PRKN: variants seen among roughly 807,000 people sequenced by gnomAD.
PRKN encodes the protein parkin RBR E3 ubiquitin protein ligase.
PRKN carries 56 observed loss-of-function variants against 59.5 expected under a neutral mutation model. The observed-to-expected ratio is 0.94, with a 90% CI of 0.76 to 1.18. The LOEUF (loss-of-function observed/expected upper bound fraction) is 1.18, where lower values mean the gene tolerates loss of function less well. PRKN is among the 50% of genes most tolerant of loss of function. The pLI, the probability that PRKN is intolerant of heterozygous loss-of-function variation, is 0.00. For synonymous variants in PRKN, 250 were observed against 222.1 expected (o/e 1.13, Z -1.12); for missense variants, 657 against 596.4 (o/e 1.10, Z -1.06).
intron 1 of PRKN, among the ~76,000 whole-genome samples, chr6:162,509,184 T>C (rs949696402): frequency 4.6e-5 from 7 of 152,222 alleles, no homozygotes; most frequent in African/African-American, 1.7e-4. Flanking sequence ...TCTACAAACA[T>C]ATCCATTAAA....
intron 4 of PRKN, among the ~76,000 whole-genome samples, chr6:162,189,691 T>C (rs1446735331): frequency 6.6e-6 from 1 of 151,928 alleles, no homozygotes; most frequent in Non-Finnish European, 1.5e-5. Flanking sequence ...ACTCCATTTA[T>C]TTCATGAACT....
chr6:162,374,469 T>A (rs1397975820), intron 2 of PRKN, among the ~76,000 whole-genome samples: 2 of 151,902 alleles, frequency 1.3e-5, no homozygotes, highest in African/African-American at 2.4e-5. Flanking sequence ...GTCTGGTCGG[T>A]TGGAGCCTAG....
chr6:162,163,666 C>G lies in PRKN; in HGVS notation c.534+37465G>C, dbSNP rs1475889392. On this transcript the variant is annotated intron_variant, in intron 4 of 11. Transcript: ENST00000366898. Reference sequence around the variant, plus strand: ...TCTAGAAAAGGATCACAACACATTGCACTGCCCTGAGCAGTCCCATAAAGC... The same window carrying G: ...TCTAGAAAAGGATCACAACACATTGGACTGCCCTGAGCAGTCCCATAAAGC... Among the ~76,000 whole-genome samples the G allele has an allele frequency of 3.4e-5, 5 of 149,174 alleles. 1 individual carries two copies. Among genetic ancestry groups the G allele is most frequent in the African/African-American group, 5.0e-5 (2 of 39,644 alleles).
chr6:161,824,816 C>G lies in PRKN; in HGVS notation c.735-38908G>C, dbSNP rs533721461. On this transcript the variant is annotated intron_variant, in intron 6 of 11. Transcript: ENST00000366898. Reference sequence around the variant, plus strand: ...TGTTTTCCTGATTTGACATGATATACTAACATTGACTAAGATAACATTCAT... The same window carrying G: ...TGTTTTCCTGATTTGACATGATATAGTAACATTGACTAAGATAACATTCAT... Among the ~76,000 whole-genome samples, 5 of 152,278 alleles carry G rather than the reference C, an allele frequency of 3.3e-5. No individual in the cohort carries two copies. In the South Asian group the frequency reaches 1.0e-3, roughly 32 times the overall value.
Position 161,918,271 on chromosome 6 carries a change from C to T in PRKN, c.734+55031G>A, listed in dbSNP as rs112330910. Reference sequence around the variant, plus strand: ...CATCGTCATTGCTTCAATTTGCTGACGAAAGCCCTCTAGAACCCAGGAAGA... The same window carrying T: ...CATCGTCATTGCTTCAATTTGCTGATGAAAGCCCTCTAGAACCCAGGAAGA... On this transcript the variant is annotated intron_variant, in intron 6 of 11. Coordinates refer to ENST00000366898, the MANE Select transcript of PRKN (RefSeq NM_004562.3). Among the ~76,000 whole-genome samples the T allele has an allele frequency of 3.1e-3, 474 of 152,266 alleles. 3 individuals are homozygous for T. Among genetic ancestry groups the T allele is most frequent in the African/African-American group, 0.011 (450 of 41,554 alleles).
At chr6:161,755,402 T>C (rs1294077964) in intron 7 of PRKN, among the ~76,000 whole-genome samples, 4 of 152,072 alleles carry the variant, frequency 2.6e-5, no homozygotes, top group African/African-American at 7.2e-5. Context: ...TCTGAAATTG[T>C]CATGTTGGAA....
intron 5 of PRKN, among the ~76,000 whole-genome samples, chr6:162,012,642 T>G (rs1782777832): frequency 6.6e-6 from 1 of 152,140 alleles, no homozygotes. Context: ...AATCTGATCC[T>G]TACTTGTAAA....
intron 9 of PRKN, among the ~76,000 whole-genome samples, chr6:161,425,844 A>G (rs978071891): frequency 1.3e-5 from 2 of 152,102 alleles, no homozygotes; most frequent in African/African-American, 4.8e-5. Context: ...CCCCATATTC[A>G]CACGGTGCCC....
At chr6:161,787,746 A>G (rs1044565670) in intron 6 of PRKN, among the ~76,000 whole-genome samples, 1 of 151,846 alleles carries the variant, frequency 6.6e-6, no homozygotes, top group Non-Finnish European at 1.5e-5. Context: ...GGAGATGGAG[A>G]TCATCCTGGC....
intron 7 of PRKN, among the ~76,000 whole-genome samples, chr6:161,638,298 A>G (rs1376871244): frequency 2.0e-5 from 3 of 151,360 alleles, no homozygotes; most frequent in African/African-American, 4.9e-5. Flanking sequence ...ATGCCAGGCT[A>G]AATTTTTTTG....
At chr6:162,096,087 A>G (rs1029284061) in intron 4 of PRKN, among the ~76,000 whole-genome samples, 1 of 152,168 alleles carries the variant, frequency 6.6e-6, no homozygotes, top group Non-Finnish European at 1.5e-5. Context: ...AGTTAGCAAG[A>G]TGGTAGGTAT....
intron 1 of PRKN, among the ~76,000 whole-genome samples, chr6:162,515,909 T>C (rs1777833458): frequency 6.6e-6 from 1 of 152,112 alleles, no homozygotes; most frequent in Non-Finnish European, 1.5e-5. Context: ...CATGTGACTG[T>C]CAAAAAGGGT....
At chr6:161,990,715 A>T (rs1322847810) in intron 5 of PRKN, among the ~76,000 whole-genome samples, 11 of 152,242 alleles carry the variant, frequency 7.2e-5, no homozygotes, top group South Asian at 2.1e-4. Context: ...AAAAAATTTT[A>T]AAAAATTATT....
At chr6:161,723,780 G>A (rs189265850) in intron 7 of PRKN, among the ~76,000 whole-genome samples, 238 of 152,270 alleles carry the variant, frequency 1.6e-3, no homozygotes, top group South Asian at 5.4e-3. Flanking sequence ...GAGAATCCAC[G>A]CAGGCTGCCT....
At chr6:162,106,525 T>C (rs143331950) in intron 4 of PRKN, among the ~76,000 whole-genome samples, 8 of 152,210 alleles carry the variant, frequency 5.3e-5, no homozygotes, top group African/African-American at 1.7e-4. Context: ...TTCATTAATA[T>C]CTATTTTTAA....
chr6:161,408,297 A>G (rs1449566925), intron 9 of PRKN, among the ~76,000 whole-genome samples: 1 of 149,846 alleles, frequency 6.7e-6, no homozygotes, highest in East Asian at 2.0e-4. Flanking sequence ...TGTGACACAC[A>G]ATTAAGGGTG....
At position 161,578,215 on chromosome 6, in the gene PRKN, G is replaced by A. The variant is rs1472389446; in HGVS notation, c.872-8799C>T. Among the ~76,000 whole-genome samples, 1 of 152,208 alleles carries A rather than the reference G, an allele frequency of 6.6e-6. No homozygotes were observed. The highest frequency in any genetic ancestry group is 1.5e-5 in the Non-Finnish European group (1 of 68,016). The stretch of plus-strand genomic sequence containing the variant: ...GTTTGAGGAATCCAAGCAGCTGCTT[G>A]GCTGCAGATGAGAATTGAAAGCACC... On this transcript the variant is annotated intron_variant, in intron 7 of 11. Transcript: ENST00000366898. This position sits in a 1 kb window ranked among gnomAD's most constrained non-coding sequence, Gnocchi z 4.2.
intron 1 of PRKN, among the ~76,000 whole-genome samples, chr6:162,642,691 T>C (rs1027863902): frequency 6.6e-6 from 1 of 151,830 alleles, no homozygotes; most frequent in Non-Finnish European, 1.5e-5. Flanking sequence ...TAATATAGTA[T>C]ATTATACTTA....
At chr6:162,435,706 G>C (rs1789734618) in intron 2 of PRKN, among the ~76,000 whole-genome samples, 1 of 152,156 alleles carries the variant, frequency 6.6e-6, no homozygotes, top group Non-Finnish European at 1.5e-5. Flanking sequence ...GAGGCCAGCA[G>C]TAAGTTCCAT....
Sources: gnomAD v4.1 joint callset for allele counts (sites outside exome capture counted in the v4.1 genomes callset) on GRCh38, gnomAD v4.1.1 for gene constraint, Gnocchi (gnomAD v3.1) non-coding constraint, MANE v1.5 for transcripts, NCBI Gene and HGNC (gene_info 2026-07-23, HGNC 2026-07-21) for gene names.